TNFSF4: variants seen among roughly 807,000 people sequenced by gnomAD.
TNFSF4 encodes the protein TNF superfamily member 4.
Under a neutral mutation model 7.3 loss-of-function variants are expected in TNFSF4, and 4 were observed. That is an observed-to-expected ratio of 0.55 (90% CI 0.27 to 1.25). The LOEUF (loss-of-function observed/expected upper bound fraction) is 1.25, where lower values mean the gene tolerates loss of function less well. Among genes scored for constraint, TNFSF4 ranks in the 50% most tolerant of loss-of-function variants. The probability of loss-of-function intolerance (pLI) is 0.12; values close to 1 mark genes in which losing one functional copy is unlikely to be tolerated. For missense variants in TNFSF4, 181 were observed against 208.8 expected, an observed-to-expected ratio of 0.87 and a Z score of 0.82; for synonymous variants, 76 against 83.7, an observed-to-expected ratio of 0.91 and a Z score of 0.50.
At chr1:173,392,201 T>C in the TNFSF4 span, among the ~76,000 whole-genome samples, 1 of 152,168 alleles carries the variant, frequency 6.6e-6, no homozygotes, top group Non-Finnish European at 1.5e-5. Context: ...GGGCCCCAAT[T>C]TCCTCCTCTA....
chr1:173,271,216 T>C, the TNFSF4 span, among the ~76,000 whole-genome samples: 1 of 152,322 alleles, frequency 6.6e-6, no homozygotes, highest in South Asian at 2.1e-4. Flanking sequence ...GAAGTCATTC[T>C]TGCCCATGCC....
At chr1:173,360,625 T>C in the TNFSF4 span, among the ~76,000 whole-genome samples, 1 of 152,142 alleles carries the variant, frequency 6.6e-6, no homozygotes, top group African/African-American at 2.4e-5. Flanking sequence ...GATAGCAGAC[T>C]TAGCTATGGT....
chr1:173,233,164 G>A, the TNFSF4 span, among the ~76,000 whole-genome samples: 14 of 152,186 alleles, frequency 9.2e-5, no homozygotes, highest in African/African-American at 3.1e-4. Flanking sequence ...ACCATGGCAC[G>A]AGAACTACAT....
At chr1:173,173,643 G>C in the TNFSF4 span, among the ~76,000 whole-genome samples, 2 of 152,310 alleles carry the variant, frequency 1.3e-5, no homozygotes, top group South Asian at 4.1e-4. Context: ...ACACTCGCAG[G>C]CCCAACACCA....
chr1:173,197,622 T>C (rs1289369334), intron 1 of TNFSF4, among the ~76,000 whole-genome samples: 1 of 152,036 alleles, frequency 6.6e-6, no homozygotes, highest in East Asian at 1.9e-4. Context: ...CACTTATAAG[T>C]GGGAGCTGAA....
chr1:173,358,989 C>T, the TNFSF4 span, among the ~76,000 whole-genome samples: 3 of 152,294 alleles, frequency 2.0e-5, no homozygotes, highest in East Asian at 1.9e-4. Flanking sequence ...TTAAGCTGTA[C>T]ATTTACTATA....
chr1:173,264,986 A>G, the TNFSF4 span, among the ~76,000 whole-genome samples: 3 of 152,192 alleles, frequency 2.0e-5, no homozygotes, highest in Non-Finnish European at 4.4e-5. Flanking sequence ...AAAATACCTC[A>G]TTTCTATGGC....
intron 1 of TNFSF4, among the ~76,000 whole-genome samples, chr1:173,193,398 C>T (rs1649565839): frequency 6.6e-6 from 1 of 152,168 alleles, no homozygotes; most frequent in African/African-American, 2.4e-5. Context: ...TGAAGTATAG[C>T]CGTGAATTTT....
chr1:173,264,130 T>A, the TNFSF4 span, among the ~76,000 whole-genome samples: 1 of 152,178 alleles, frequency 6.6e-6, no homozygotes, highest in South Asian at 2.1e-4. Flanking sequence ...GAACTTAAAA[T>A]AAAATTTTTA....
At chr1:173,400,189 G>A in the TNFSF4 span, among the ~76,000 whole-genome samples, 403 of 152,286 alleles carry the variant, frequency 2.6e-3, no homozygotes, top group African/African-American at 8.0e-3. Context: ...TTGTCTTACC[G>A]TGTTTTCCAC....
the TNFSF4 span, among the ~76,000 whole-genome samples, chr1:173,251,410 G>C: frequency 1.3e-5 from 2 of 152,214 alleles, no homozygotes; most frequent in East Asian, 3.8e-4. Context: ...AGCAGAGACT[G>C]ATCTTGTTCA....
the TNFSF4 span, among the ~76,000 whole-genome samples, chr1:173,350,315 G>A: frequency 2.6e-5 from 4 of 152,144 alleles, no homozygotes; most frequent in African/African-American, 9.7e-5. Context: ...CCCAGGGCAG[G>A]CCAGCACAAT....
the TNFSF4 span, among the ~76,000 whole-genome samples, chr1:173,249,728 T>C: frequency 2.6e-5 from 4 of 152,358 alleles, no homozygotes; most frequent in Admixed American, 2.6e-4. Context: ...GCAGCAAGAC[T>C]ACACTCAGTA....
chr1:173,289,265 G>C, the TNFSF4 span, among the ~76,000 whole-genome samples: 2 of 152,172 alleles, frequency 1.3e-5, no homozygotes, highest in South Asian at 4.2e-4. Context: ...AATTATAGGA[G>C]AGCTCTAAGA....
chr1:173,194,017 G>A (rs1649593615), intron 1 of TNFSF4, among the ~76,000 whole-genome samples: 1 of 152,100 alleles, frequency 6.6e-6, no homozygotes, highest in South Asian at 2.1e-4. Flanking sequence ...AAAAGGTCTG[G>A]GTAGATCAAG....
chr1:173,287,411 A>G, the TNFSF4 span, among the ~76,000 whole-genome samples: 32,278 of 152,170 alleles, frequency 0.21, 3,808 homozygotes, highest in Admixed American at 0.32. Context: ...AAATTAAAAT[A>G]TAGACAATGC....
At chr1:173,437,893 A>G in the TNFSF4 span, among the ~76,000 whole-genome samples, 1 of 140,736 alleles carries the variant, frequency 7.1e-6, no homozygotes, top group African/African-American at 2.5e-5. Flanking sequence ...TCTGCACCCC[A>G]AGAAAATGTT....
the TNFSF4 span, chr1:173,417,685 C>A: frequency 6.6e-6 from 1 of 152,118 alleles, no homozygotes; most frequent in Non-Finnish European, 1.5e-5. Context: ...TCCGTCTTCA[C>A]CTCCCTCTTT....
At chr1:173,358,165 A>T in the TNFSF4 span, among the ~76,000 whole-genome samples, 12 of 152,210 alleles carry the variant, frequency 7.9e-5, no homozygotes, top group African/African-American at 2.9e-4. Context: ...AGTTGGAATG[A>T]TGTAGGGTCA....
Sources: allele counts gnomAD v4.1 joint callset (sites outside exome capture counted in the v4.1 genomes callset), GRCh38; gene constraint gnomAD v4.1.1; transcripts MANE v1.5; gene names NCBI Gene and HGNC (gene_info 2026-07-23, HGNC 2026-07-21).